ELAPOR1: variants seen among roughly 807,000 people sequenced by gnomAD.
ELAPOR1 encodes endosome/lysosome-associated apoptosis and autophagy regulator 1.
In ELAPOR1, 77 loss-of-function variants were observed where a neutral mutation model predicts 119.7. The ratio of observed to expected loss-of-function variants is 0.64; its 90% confidence interval spans 0.54 to 0.78. The LOEUF is 0.78. Ranked by LOEUF, ELAPOR1 falls within the 30% of genes least tolerant of loss-of-function variation. The pLI is 0.00. For synonymous variants in ELAPOR1, 481 were observed against 487.2 expected (o/e 0.99, Z 0.17); for missense variants, 1,115 against 1,270.4 (o/e 0.88, Z 1.86).
Position 109,205,460 on chromosome 1 carries a change from A to G in ELAPOR1, c.*2448A>G, listed in dbSNP as rs964931067. The G allele has an allele frequency of 6.6e-6, 1 of 152,202 alleles. No individual in the cohort carries two copies. Among genetic ancestry groups the G allele is most frequent in the African/African-American group, 2.4e-5 (1 of 41,454 alleles). The allele number at this position is 152,202 out of a possible 1,614,324, so 9.4% of individuals were successfully genotyped here. A position where few individuals can be genotyped will look rare whatever the true frequency, so the allele number is the denominator to read the frequency against. Reference sequence around the variant, plus strand: ...CGGCAGGGAGTCCCTTTGGTTTAATAAATCCAGTTTTTCTTTGGGTATCCA... The same window carrying G: ...CGGCAGGGAGTCCCTTTGGTTTAATGAATCCAGTTTTTCTTTGGGTATCCA... On this transcript the variant is annotated 3_prime_UTR_variant, in exon 22 of 22. Coordinates refer to ENST00000369939, the MANE Select transcript of ELAPOR1 (RefSeq NM_020775.5).
chr1:109,117,293 G>A (rs964461963), intron 1 of ELAPOR1, among the ~76,000 whole-genome samples: 3 of 152,194 alleles, frequency 2.0e-5, no homozygotes, highest in Admixed American at 6.5e-5. Flanking sequence ...TATGATATTC[G>A]TTTTCATGAA....
At chr1:109,183,717 C>T (rs976391822) in intron 7 of ELAPOR1, among the ~76,000 whole-genome samples, 5 of 151,966 alleles carry the variant, frequency 3.3e-5, no homozygotes, top group South Asian at 2.1e-4. Context: ...CTCCTGGACT[C>T]AAGTGATTCT....
chr1:109,194,606 C>G lies in ELAPOR1; in HGVS notation c.2121+12C>G, dbSNP rs1176305494. 1.9e-6 allele frequency: 3 copies of G among 1,611,822 alleles called. No homozygotes were observed. Among genetic ancestry groups the G allele is most frequent in the Non-Finnish European group, 2.5e-6 (3 of 1,178,004 alleles). On this transcript the variant is annotated intron_variant, in intron 15 of 21. Transcript: ENST00000369939. ...TCTGTGGAAACCAGGTAAGGTATAC[C>G]AGTTGACAGGGTGAAAATTGAATGG...
At chr1:109,138,533 G>A (rs1259242614) in intron 1 of ELAPOR1, among the ~76,000 whole-genome samples, 1 of 142,992 alleles carries the variant, frequency 7.0e-6, no homozygotes, top group African/African-American at 2.5e-5. Flanking sequence ...GTCAAACACA[G>A]TATGAAAAAC....
rs1557702478 is a variant in ELAPOR1 at position 109,198,062 on chromosome 1, A to G, written c.2386A>G (p.Ile796Val). ...HLESLGIPDV[I>V]FFYRSNDVTQ... ...GGAGTCCTTGGGAATACCGGACGTG[A>G]TCTTCTTTTATAGGTGAAGATGAGA... The change falls in exon 17 of 22, where the codon ATC becomes GTC. Residue 796 changes from isoleucine to valine, a missense_variant. Coordinates refer to ENST00000369939, the MANE Select transcript of ELAPOR1 (RefSeq NM_020775.5). The G allele has an allele frequency of 6.2e-7, 1 of 1,613,356 alleles. No homozygotes were observed. The highest frequency in any genetic ancestry group is 1.7e-5 in the Admixed American group (1 of 60,004).
At chr1:109,183,344 A>AAAAAC (rs1652823885) in intron 7 of ELAPOR1, among the ~76,000 whole-genome samples, 1 of 48,084 alleles carries the variant, frequency 2.1e-5, no homozygotes, top group African/African-American at 5.1e-5. Flanking sequence ...AAAAAAAAAA[A>AAAAAC]AAAACAAAAA....
intron 1 of ELAPOR1, among the ~76,000 whole-genome samples, chr1:109,155,333 G>A (rs1385129671): frequency 6.6e-6 from 1 of 151,892 alleles, no homozygotes; most frequent in African/African-American, 2.4e-5. Flanking sequence ...CCACCATCAC[G>A]CCCGGCTAAT....
intron 1 of ELAPOR1, 67 bp downstream of exon 1, chr1:109,114,403 G>T: frequency 6.8e-7 from 1 of 1,469,190 alleles, no homozygotes. Context: ...GGAGACCTTG[G>T]GGACCCAGGC....
In ELAPOR1 at chr1:109,197,684, TGA is replaced by T. The variant is rs375471602; in HGVS notation, c.2302+34_2302+35del. ...GTAACTCCGCTGCCTCAGCCTTGTTTGAGAGTGTGTGTGTGTGTGTGTGTGTG... is the reference window on the plus strand; with the variant it reads ...GTAACTCCGCTGCCTCAGCCTTGTTTGAGTGTGTGTGTGTGTGTGTGTGTG... On this transcript the variant is annotated intron_variant, in intron 16 of 21. Transcript: ENST00000369939. 18 of 1,496,276 alleles carry T rather than the reference TGA, an allele frequency of 1.2e-5. No individual in the cohort carries two copies. In the African/African-American group the frequency reaches 2.1e-4, roughly 17 times the overall value. 92.7% of individuals were successfully genotyped at this position (1,496,276 alleles called of 1,614,324 possible). A position where few individuals can be genotyped will look rare whatever the true frequency, so the allele number is the denominator to read the frequency against.
chr1:109,135,268 G>A (rs370611369), intron 1 of ELAPOR1, among the ~76,000 whole-genome samples: 18 of 152,060 alleles, frequency 1.2e-4, no homozygotes, highest in African/African-American at 4.3e-4. Flanking sequence ...TTTTGAGATG[G>A]AGTCTCGCTC....
chr1:109,173,097 CAAA>C (rs58149393), intron 5 of ELAPOR1, among the ~76,000 whole-genome samples: 42,217 of 90,958 alleles, frequency 0.46, 6,908 homozygotes, highest in Middle Eastern at 0.55. Flanking sequence ...AACTCTGTCT[CAAA>C]AAAAAAAAAA....
At chr1:109,143,743 C>G (rs1649972618) in intron 1 of ELAPOR1, among the ~76,000 whole-genome samples, 1 of 151,900 alleles carries the variant, frequency 6.6e-6, no homozygotes, top group Non-Finnish European at 1.5e-5. Context: ...AAACACTGCT[C>G]AATGCAGCCT....
In ELAPOR1 at chr1:109,114,346, C is replaced by A. The variant is rs1356909443; in HGVS notation, c.153+10C>A. Reference sequence around the variant, plus strand: ...TCATGCCTGCAAAGAGGTACTGCCGCCCCCCTACCCGATCCCGCTTTGGTC... The same window carrying A: ...TCATGCCTGCAAAGAGGTACTGCCGACCCCCTACCCGATCCCGCTTTGGTC... On this transcript the variant is annotated intron_variant, in intron 1 of 21. Coordinates refer to ENST00000369939, the MANE Select transcript of ELAPOR1 (RefSeq NM_020775.5). The A allele has an allele frequency of 6.4e-7, 1 of 1,566,910 alleles. No homozygotes were observed. Among genetic ancestry groups the A allele is most frequent in the East Asian group, 2.4e-5 (1 of 42,288 alleles).
Position 109,191,878 on chromosome 1 carries a change from T to C in ELAPOR1, c.1683+15T>C, listed in dbSNP as rs1171037848. 6.2e-7 allele frequency: 1 copy of C among 1,613,978 alleles called. No homozygotes were observed. Among genetic ancestry groups the C allele is most frequent in the South Asian group, 1.1e-5 (1 of 91,076 alleles). On this transcript the variant is annotated intron_variant, in intron 13 of 21. Coordinates refer to ENST00000369939, the MANE Select transcript of ELAPOR1 (RefSeq NM_020775.5). ...TTCATGAGGCAGTAAGTTCCTCCCCTTCCTCAGACCCCCAGGAGAGACCCT... is the reference window on the plus strand; with the variant it reads ...TTCATGAGGCAGTAAGTTCCTCCCCCTCCTCAGACCCCCAGGAGAGACCCT...
chr1:109,197,125 G>A (rs957252487), intron 15 of ELAPOR1, among the ~76,000 whole-genome samples: 4 of 147,350 alleles, frequency 2.7e-5, no homozygotes, highest in Non-Finnish European at 4.5e-5. Flanking sequence ...AACACAGAGA[G>A]GCCCTATCTT....
In ELAPOR1 at chr1:109,183,580, C is replaced by CCTTT. The variant is rs758453076; in HGVS notation, c.953-1462_953-1461insTCTT. On this transcript the variant is annotated intron_variant, in intron 7 of 21. Transcript: ENST00000369939. ...TCCTTCCTTCCTTCCTTCCTTCCTTCCTTCCTTCCTTCCTTCCTTCCTTCC... is the reference window on the plus strand; with the variant it reads ...TCCTTCCTTCCTTCCTTCCTTCCTTCCTTTCTTCCTTCCTTCCTTCCTTCCTTCC... Among the ~76,000 whole-genome samples the CCTTT allele has an allele frequency of 1.7e-4, 13 of 75,296 alleles. 2 individuals are homozygous for CCTTT. Among genetic ancestry groups the CCTTT allele is most frequent in the South Asian group, 1.3e-3 (3 of 2,284 alleles). 49.4% of individuals were successfully genotyped at this position (75,296 alleles called of 152,430 possible).
Position 109,164,495 on chromosome 1 carries a change from C to T in ELAPOR1, c.275-4C>T, listed in dbSNP as rs372040521. On this transcript the variant is annotated splice_region_variant and splice_polypyrimidine_tract_variant and intron_variant, in intron 2 of 21. Coordinates refer to ENST00000369939, the MANE Select transcript of ELAPOR1 (RefSeq NM_020775.5). The stretch of plus-strand genomic sequence containing the variant: ...CCCCACCTTGTCTCTGCCCTGTTTT[C>T]CAGCCTTCTCCTGCAACGCCGGGGA... 1.8e-5 allele frequency: 29 copies of T among 1,605,176 alleles called. No homozygotes were observed. The highest frequency in any genetic ancestry group is 3.4e-5 in the Admixed American group (2 of 59,624).
intron 3 of ELAPOR1, among the ~76,000 whole-genome samples, chr1:109,166,199 C>T (rs1651591400): frequency 6.6e-6 from 1 of 151,828 alleles, no homozygotes; most frequent in African/African-American, 2.4e-5. Context: ...ACAGCGTGAG[C>T]CACCGCACCC....
chr1:109,197,077 A>G (rs61799389), intron 15 of ELAPOR1, among the ~76,000 whole-genome samples: 38,649 of 151,216 alleles, frequency 0.26, 5,249 homozygotes, highest in East Asian at 0.52. Context: ...TGAGGCAGGA[A>G]GATTGCTTGA....
Sources: gnomAD v4.1 joint callset for allele counts (sites outside exome capture counted in the v4.1 genomes callset) on GRCh38, gnomAD v4.1.1 for gene constraint, MANE v1.5 for transcripts, NCBI Gene and HGNC (gene_info 2026-07-23, HGNC 2026-07-21) for gene names.